Variants in SNRPB observed in about 807,000 individuals in gnomAD.
SNRPB encodes small nuclear ribonucleoprotein-associated proteins B and B'.
A neutral mutation model predicts 26.6 loss-of-function variants in SNRPB; 5 were observed. The observed-to-expected ratio is 0.19, with a 90% confidence interval of 0.10 to 0.39. The LOEUF (loss-of-function observed/expected upper bound fraction) is 0.39, where lower values mean the gene tolerates loss of function less well. Ranked by LOEUF, SNRPB falls within the 10% of genes least tolerant of loss-of-function variation. SNRPB has a pLI of 1.00. For missense variants in SNRPB, 211 were observed against 311.9 expected (o/e 0.68, Z 2.44); for synonymous variants, 122 against 105.8 (o/e 1.15, Z -0.94).
At chr20:2,464,159 G>C (rs1415029613) in intron 3 of SNRPB, among the ~76,000 whole-genome samples, 3 of 152,218 alleles carry the variant, frequency 2.0e-5, no homozygotes, top group Admixed American at 2.0e-4. Flanking sequence ...TCCTGTGAAA[G>C]TTAAACCAAG....
At chr20:2,464,007 C>G in intron 3 of SNRPB, 108 bp from the exon 4 acceptor site, 2 of 927,308 alleles carry the variant, frequency 2.2e-6, no homozygotes, top group Non-Finnish European at 1.7e-6. Context: ...TAAATACTAT[C>G]GAAATAGCTT....
At position 2,461,763 on chromosome 20, in the gene SNRPB, C is replaced by T. The variant is rs1313693228; in HGVS notation, c.*166G>A. 2 of 1,606,726 alleles carry T rather than the reference C, an allele frequency of 1.2e-6. No homozygotes were observed. The highest frequency in any genetic ancestry group is 8.5e-7 in the Non-Finnish European group (1 of 1,176,090). On this transcript the variant is annotated 3_prime_UTR_variant, in exon 7 of 7. Transcript: ENST00000381342. ...AGGAGGGCCAAGATGAGTCTAGGGC[C>T]TTGGTGGGCGCATTCCCGGGGGAGG...
rs2085050372 is a variant in SNRPB at position 2,463,528 on chromosome 20, A to T, written c.420+219T>A. Among the ~76,000 whole-genome samples the T allele has an allele frequency of 6.6e-6, 1 of 152,260 alleles. No individual in the cohort carries two copies. The highest frequency in any genetic ancestry group is 1.5e-5 in the Non-Finnish European group (1 of 68,040). The stretch of plus-strand genomic sequence containing the variant: ...TCATGGAAATATTTTCCTTAAATAC[A>T]GTTGGCTAATTCGTACATCTCTTTA... On this transcript the variant is annotated intron_variant, in intron 4 of 6. Transcript: ENST00000381342. This position sits in a 1 kb window ranked among gnomAD's most constrained non-coding sequence, Gnocchi z 5.0.
chr20:2,465,611 G>A (rs1182756933), intron 3 of SNRPB, 97 bp downstream of exon 3: 3 of 826,490 alleles, frequency 3.6e-6, no homozygotes, highest in Admixed American at 2.4e-5. Context: ...AAAATCCAGA[G>A]GATGCCTGTG....
chr20:2,461,915 T>C lies in SNRPB; in HGVS notation c.*14A>G. ...CGCCTCTGCGGAGCTACTTCCATAC[T>C]CTGTGGCCAAGGGTCAAAGAAGGCC... is the stretch of plus-strand genomic sequence containing the variant. On this transcript the variant is annotated 3_prime_UTR_variant, in exon 7 of 7. Transcript: ENST00000381342. The C allele has an allele frequency of 1.9e-6, 3 of 1,613,314 alleles. No homozygotes were observed. Among genetic ancestry groups the C allele is most frequent in the South Asian group, 1.1e-5 (1 of 91,024 alleles).
chr20:2,470,722 G>C lies in SNRPB; in HGVS notation c.-32C>G, dbSNP rs767276536. ...GGTTCTGATGGCTCTGATACCCGCC[G>C]GATTCGCCTCCTCAGAGGCCTAGCC... On this transcript the variant is annotated 5_prime_UTR_variant, in exon 1 of 7. Transcript: ENST00000381342. 33 of 1,612,238 alleles carry C rather than the reference G, an allele frequency of 2.0e-5. No individual in the cohort carries two copies. Among genetic ancestry groups the C allele is most frequent in the Non-Finnish European group, 2.5e-5 (30 of 1,179,858 alleles).
In SNRPB at chr20:2,469,651, C is replaced by T. The variant is rs143227092; in HGVS notation, c.3+1037G>A. Among the ~76,000 whole-genome samples the T allele has an allele frequency of 3.6e-3, 545 of 152,260 alleles. 6 individuals are homozygous for T. Among genetic ancestry groups the T allele is most frequent in the African/African-American group, 0.013 (524 of 41,526 alleles). ...GAGTTTGCAGTGAACCCTGATCGAT[C>T]CACCGCACTCCAGCCTGGGCAACAA... is the stretch of plus-strand genomic sequence containing the variant. On this transcript the variant is annotated intron_variant, in intron 1 of 6. Coordinates refer to ENST00000381342, the MANE Select transcript of SNRPB (RefSeq NM_003091.4).
intron 1 of SNRPB, among the ~76,000 whole-genome samples, chr20:2,468,360 C>T (rs2085087985): frequency 6.6e-6 from 1 of 152,128 alleles, no homozygotes; most frequent in Admixed American, 6.5e-5. Context: ...GGTCTTTAAC[C>T]CAACAAACAT....
chr20:2,461,823 A>G lies in SNRPB; in HGVS notation c.*106T>C. 6.2e-7 allele frequency: 1 copy of G among 1,613,858 alleles called. No homozygotes were observed. The highest frequency in any genetic ancestry group is 8.5e-7 in the Non-Finnish European group (1 of 1,179,892). ...AAGGGAAACCAGACAATCCCATGAG[A>G]CTCCACGAACAACAGCATAAGAAAC... On this transcript the variant is annotated 3_prime_UTR_variant, in exon 7 of 7. Coordinates refer to ENST00000381342, the MANE Select transcript of SNRPB (RefSeq NM_003091.4).
At chr20:2,466,524 T>C (rs1327066054) in intron 2 of SNRPB, among the ~76,000 whole-genome samples, 3 of 152,164 alleles carry the variant, frequency 2.0e-5, no homozygotes, top group East Asian at 1.9e-4. Context: ...AATAGCCTGA[T>C]TTAAAAAAAG....
At chr20:2,467,004 T>C (rs2094231327) in intron 2 of SNRPB, among the ~76,000 whole-genome samples, 1 of 152,216 alleles carries the variant, frequency 6.6e-6, no homozygotes, top group Admixed American at 6.5e-5. Context: ...GCCTTGAATG[T>C]AAAACATGAT....
chr20:2,468,052 C>T (rs1300028776), intron 1 of SNRPB, among the ~76,000 whole-genome samples: 1 of 152,138 alleles, frequency 6.6e-6, no homozygotes, highest in Admixed American at 6.5e-5. Context: ...TATAGGGTGT[C>T]CCCAAAATAA....
In SNRPB at chr20:2,470,761, C is replaced by G; in HGVS notation, c.-71G>C. 1 of 1,583,260 alleles carries G rather than the reference C, an allele frequency of 6.3e-7. No individual in the cohort carries two copies. The highest frequency in any genetic ancestry group is 1.1e-5 in the South Asian group (1 of 90,452). Reference sequence around the variant, plus strand: ...AGAGGCCTAGCCTCTCTCCCACAGCCGATTTCCCGCCGCCGCTACCGGAAA... The same window carrying G: ...AGAGGCCTAGCCTCTCTCCCACAGCGGATTTCCCGCCGCCGCTACCGGAAA... On this transcript the variant is annotated 5_prime_UTR_variant, in exon 1 of 7. Coordinates refer to ENST00000381342, the MANE Select transcript of SNRPB (RefSeq NM_003091.4).
chr20:2,461,671 C>A lies in SNRPB; in HGVS notation c.*258G>T. On this transcript the variant is annotated 3_prime_UTR_variant, in exon 7 of 7. Coordinates refer to ENST00000381342, the MANE Select transcript of SNRPB (RefSeq NM_003091.4). The stretch of plus-strand genomic sequence containing the variant: ...GTTCTCTTAAGAGTTTATTATAAAC[C>A]AGTTTCATAGGCCACAAGGAGATAA... The A allele has an allele frequency of 1.1e-6, 1 of 917,732 alleles. No homozygotes were observed. The highest frequency in any genetic ancestry group is 1.6e-6 in the Non-Finnish European group (1 of 609,126). The allele number at this position is 917,732 out of a possible 1,614,324, so 56.8% of individuals were successfully genotyped here. A position where few individuals can be genotyped will look rare whatever the true frequency, so the allele number is the denominator to read the frequency against.
intron 6 of SNRPB, among the ~76,000 whole-genome samples, chr20:2,462,433 C>T (rs1002038663): frequency 3.9e-5 from 6 of 152,226 alleles, no homozygotes; most frequent in Admixed American, 3.9e-4. Context: ...GAGAAACACC[C>T]TGGGTGCATG....
chr20:2,469,866 A>C (rs1456813000), intron 1 of SNRPB, among the ~76,000 whole-genome samples: 1 of 152,072 alleles, frequency 6.6e-6, no homozygotes, highest in Non-Finnish European at 1.5e-5. Flanking sequence ...ACGCAGAAAA[A>C]TCCAGTAACT....
At chr20:2,462,548 G>A (rs2085042349) in intron 6 of SNRPB, 88 bp downstream of exon 6, 2 of 1,131,548 alleles carry the variant, frequency 1.8e-6, no homozygotes, top group Non-Finnish European at 1.3e-6. Context: ...AAAGCCCATG[G>A]GATATGATCT....
Position 2,461,726 on chromosome 20 carries a change from G to A in SNRPB, c.*203C>T. ...ACTATGTACAGCCTTACGGGAAACA[G>A]GCAGGGAGCTGAGGAGGGCCAAGAT... On this transcript the variant is annotated 3_prime_UTR_variant, in exon 7 of 7. Coordinates refer to ENST00000381342, the MANE Select transcript of SNRPB (RefSeq NM_003091.4). 1.3e-6 allele frequency: 2 copies of A among 1,537,528 alleles called. No homozygotes were observed. The highest frequency in any genetic ancestry group is 1.8e-6 in the Non-Finnish European group (2 of 1,133,682).
Position 2,470,675 on chromosome 20 carries a change from G to T in SNRPB, c.3+13C>A. ...TCGGAAGCTCCCGCGCCGCCAGCCTGTGCCCTCCTTACCATGGTGGCGGTT... is the reference window on the plus strand; with the variant it reads ...TCGGAAGCTCCCGCGCCGCCAGCCTTTGCCCTCCTTACCATGGTGGCGGTT... On this transcript the variant is annotated intron_variant, in intron 1 of 6. Coordinates refer to ENST00000381342, the MANE Select transcript of SNRPB (RefSeq NM_003091.4). 6.2e-7 allele frequency: 1 copy of T among 1,613,626 alleles called. No individual in the cohort carries two copies. The highest frequency in any genetic ancestry group is 8.5e-7 in the Non-Finnish European group (1 of 1,179,992).
Sources: allele counts gnomAD v4.1 joint callset (sites outside exome capture counted in the v4.1 genomes callset), GRCh38; gene constraint gnomAD v4.1.1; non-coding constraint Gnocchi (gnomAD v3.1); transcripts MANE v1.5; gene names NCBI Gene and HGNC (gene_info 2026-07-23, HGNC 2026-07-21).